DHTKD1: variants seen among roughly 807,000 people sequenced by gnomAD.
DHTKD1 encodes the protein dehydrogenase E1 and transketolase domain containing 1, also known as 2-oxoadipate dehydrogenase complex component E1.
A neutral mutation model predicts 101.8 loss-of-function variants in DHTKD1; 78 were observed. The ratio of observed to expected loss-of-function variants is 0.77; its 90% CI spans 0.64 to 0.93. The LOEUF is 0.93. Ranked by LOEUF, DHTKD1 falls within the 40% of genes least tolerant of loss-of-function variation. The probability of loss-of-function intolerance (pLI) is 0.00; values close to 1 mark genes in which losing one functional copy is unlikely to be tolerated. For synonymous variants in DHTKD1, 462 were observed against 450.3 expected, an observed-to-expected ratio of 1.03 and a Z score of -0.33; for missense variants, 1,223 against 1,161.7, an observed-to-expected ratio of 1.05 and a Z score of -0.77.
chr10:12,076,208 T>A (rs541288422), intron 1 of DHTKD1, among the ~76,000 whole-genome samples: 28 of 152,372 alleles, frequency 1.8e-4, no homozygotes, highest in Admixed American at 3.3e-4. Flanking sequence ...CCGAGTGCGG[T>A]GGCTCACGCC....
chr10:12,084,794 T>C (rs1439157322), intron 3 of DHTKD1, 43 bp downstream of exon 3: 1 of 1,580,364 alleles, frequency 6.3e-7, no homozygotes, highest in Non-Finnish European at 8.7e-7. Context: ...CTCATGCCTG[T>C]AATCCCAGCA....
intron 12 of DHTKD1, among the ~76,000 whole-genome samples, chr10:12,111,290 C>G (rs1277994470): frequency 1.3e-5 from 2 of 152,072 alleles, no homozygotes; most frequent in Admixed American, 6.6e-5. Context: ...CTCAGCCTCC[C>G]GAGTAGCTGG....
At chr10:12,101,825 C>A (rs1023269149) in intron 10 of DHTKD1, among the ~76,000 whole-genome samples, 4 of 152,092 alleles carry the variant, frequency 2.6e-5, no homozygotes, top group Non-Finnish European at 4.4e-5. Flanking sequence ...TGGTCTTGAA[C>A]TCCTGGCCTC....
Position 12,094,055 on chromosome 10 carries a change from T to C in DHTKD1, c.1160-18T>C, listed in dbSNP as rs562162834. ...CTGGGTTAACTGTCCTGTTTCGGCTTGGTCTTCTGTCCTTCAGGGAAGCTT... is the reference window on the plus strand; with the variant it reads ...CTGGGTTAACTGTCCTGTTTCGGCTCGGTCTTCTGTCCTTCAGGGAAGCTT... On this transcript the variant is annotated intron_variant, in intron 6 of 16. Transcript: ENST00000263035. 1.2e-6 allele frequency: 2 copies of C among 1,609,710 alleles called. No homozygotes were observed. Among genetic ancestry groups the C allele is most frequent in the East Asian group, 4.5e-5 (2 of 44,812 alleles).
intron 1 of DHTKD1, among the ~76,000 whole-genome samples, chr10:12,071,388 C>T (rs1832648236): frequency 6.6e-6 from 1 of 152,218 alleles, no homozygotes; most frequent in Admixed American, 6.5e-5. Flanking sequence ...GTCTCTGCCA[C>T]AGAGGTATAG....
chr10:12,118,608 T>G, intron 14 of DHTKD1, 141 bp from the exon 15 acceptor site: 1 of 476,106 alleles, frequency 2.1e-6, no homozygotes, highest in East Asian at 3.3e-5. Flanking sequence ...GGTCTTGATT[T>G]CCTGACCTCG....
At chr10:12,072,005 G>A (rs1031296797) in intron 1 of DHTKD1, among the ~76,000 whole-genome samples, 1 of 152,052 alleles carries the variant, frequency 6.6e-6, no homozygotes, top group Non-Finnish European at 1.5e-5. Flanking sequence ...TTTGAGATGA[G>A]ATCTTTCTAT....
At position 12,108,505 on chromosome 10, in the gene DHTKD1, C is replaced by A. The variant is rs543262273; in HGVS notation, c.2154+490C>A. Among the ~76,000 whole-genome samples the A allele has an allele frequency of 1.6e-4, 24 of 152,234 alleles. 1 individual carries two copies. The highest frequency in any genetic ancestry group is 5.5e-4 in the African/African-American group (23 of 41,552). ...ATGTTGGCCAGGCTAGTCTGAAACT[C>A]CTGGCCTCAAGTGATCTACCCGCCT... On this transcript the variant is annotated intron_variant, in intron 12 of 16. Transcript: ENST00000263035.
Position 12,080,488 on chromosome 10 carries a change from G to A in DHTKD1, c.155-984G>A, listed in dbSNP as rs1010644756. Among the ~76,000 whole-genome samples, 6 of 151,904 alleles carry A rather than the reference G, an allele frequency of 3.9e-5. No homozygotes were observed. In the East Asian group the frequency reaches 1.2e-3, roughly 30 times the overall value. ...AGCACTTCAGGAGGCATGGCAGGCAGATCACGAGGTCAGGAGATCAAGACC... is the reference window on the plus strand; with the variant it reads ...AGCACTTCAGGAGGCATGGCAGGCAAATCACGAGGTCAGGAGATCAAGACC... On this transcript the variant is annotated intron_variant, in intron 1 of 16. Coordinates refer to ENST00000263035, the MANE Select transcript of DHTKD1 (RefSeq NM_018706.7).
At chr10:12,079,228 G>C (rs985388179) in intron 1 of DHTKD1, among the ~76,000 whole-genome samples, 1 of 152,114 alleles carries the variant, frequency 6.6e-6, no homozygotes, top group Admixed American at 6.6e-5. Flanking sequence ...GGGATTATAG[G>C]TGTGCACCAC....
At chr10:12,072,297 T>C (rs1008964089) in intron 1 of DHTKD1, among the ~76,000 whole-genome samples, 2 of 152,072 alleles carry the variant, frequency 1.3e-5, no homozygotes, top group African/African-American at 4.8e-5. Flanking sequence ...TGAAACCCCA[T>C]CTCTACTAAA....
intron 7 of DHTKD1, among the ~76,000 whole-genome samples, chr10:12,096,205 A>G (rs543049074): frequency 6.6e-6 from 1 of 152,270 alleles, no homozygotes; most frequent in Admixed American, 6.6e-5. Flanking sequence ...AAAATAAAAT[A>G]GATTCCCCTC....
chr10:12,091,971 ATTT>A (rs754359053), intron 6 of DHTKD1, among the ~76,000 whole-genome samples: 11 of 134,626 alleles, frequency 8.2e-5, no homozygotes, highest in East Asian at 2.1e-4. Flanking sequence ...TGTCTGGCTA[ATTT>A]TTTTTTTTTT....
In DHTKD1 at chr10:12,110,355, A is replaced by AT. The variant is rs112260923; in HGVS notation, c.2154+2352dup. Among the ~76,000 whole-genome samples the AT allele has an allele frequency of 9.2e-3, 1,359 of 147,408 alleles. 17 individuals are homozygous for AT. Among genetic ancestry groups the AT allele is most frequent in the South Asian group, 0.037 (171 of 4,666 alleles). The stretch of plus-strand genomic sequence containing the variant: ...AAACTTTCTTAAAACATTATTTGTG[A>AT]TTTTTTTTTTTTACCTTATTAGCCA... On this transcript the variant is annotated intron_variant, in intron 12 of 16. Coordinates refer to ENST00000263035, the MANE Select transcript of DHTKD1 (RefSeq NM_018706.7). The surrounding 1 kb of genome is among the most constrained non-coding windows in gnomAD (Gnocchi z 4.9).
chr10:12,120,095 A>G (rs1033603358), intron 15 of DHTKD1, 87 bp from the exon 16 acceptor site: 1 of 994,408 alleles, frequency 1.0e-6, no homozygotes, highest in African/African-American at 1.6e-5. Context: ...GTAAAGTTGA[A>G]AACTCCATCG....
intron 1 of DHTKD1, among the ~76,000 whole-genome samples, chr10:12,080,601 C>G (rs986096900): frequency 6.6e-6 from 1 of 151,378 alleles, no homozygotes; most frequent in Non-Finnish European, 1.5e-5. Context: ...GTCCCAGTTA[C>G]TCGGGAGGTT....
intron 13 of DHTKD1, among the ~76,000 whole-genome samples, chr10:12,115,545 G>A (rs1191818496): frequency 6.6e-6 from 1 of 152,152 alleles, no homozygotes; most frequent in Non-Finnish European, 1.5e-5. Flanking sequence ...GGCCCTGGGA[G>A]TCAGTATCTA....
chr10:12,079,806 A>G lies in DHTKD1; in HGVS notation c.155-1666A>G, dbSNP rs141583759. Among the ~76,000 whole-genome samples, 634 of 152,348 alleles carry G rather than the reference A, an allele frequency of 4.2e-3. 8 individuals carry two copies. Among genetic ancestry groups the G allele is most frequent in the African/African-American group, 0.014 (600 of 41,580 alleles). On this transcript the variant is annotated intron_variant, in intron 1 of 16. Transcript: ENST00000263035. Reference sequence around the variant, plus strand: ...ATGGAGAACTTGAATAAGGTTCAAAATAGAACCCTTAGCAATTTATAGGAC... The same window carrying G: ...ATGGAGAACTTGAATAAGGTTCAAAGTAGAACCCTTAGCAATTTATAGGAC...
chr10:12,106,475 G>A (rs965052767), intron 11 of DHTKD1, 79 bp downstream of exon 11: 4 of 1,566,034 alleles, frequency 2.6e-6, no homozygotes, highest in Non-Finnish European at 3.5e-6. Flanking sequence ...TGAATGAAAA[G>A]GGGCCACTGC....
Sources: allele counts gnomAD v4.1 joint callset (sites outside exome capture counted in the v4.1 genomes callset), GRCh38; gene constraint gnomAD v4.1.1; non-coding constraint Gnocchi (gnomAD v3.1); transcripts MANE v1.5; gene names NCBI Gene and HGNC (gene_info 2026-07-23, HGNC 2026-07-21).